EIF5B: variants seen among roughly 807,000 people sequenced by gnomAD.
EIF5B encodes eukaryotic translation initiation factor 5B.
In EIF5B, 47 loss-of-function variants were observed where a neutral mutation model predicts 147.5. The ratio of observed to expected loss-of-function variants is 0.32; its 90% CI spans 0.25 to 0.41. The LOEUF is 0.41. Among genes scored for constraint, EIF5B ranks in the 10% least tolerant of loss-of-function variants. EIF5B has a pLI of 1.00. For missense variants in EIF5B, 1,064 were observed against 1,413.2 expected (o/e 0.75, Z 3.96); for synonymous variants, 455 against 456.2 (o/e 1.00, Z 0.03).
chr2:99,386,825 G>A (rs1216314680), intron 14 of EIF5B, among the ~76,000 whole-genome samples: 2 of 152,126 alleles, frequency 1.3e-5, no homozygotes, highest in Non-Finnish European at 2.9e-5. Context: ...GATTACAGGC[G>A]TGAGCCACCA....
In EIF5B at chr2:99,389,795, A is replaced by G. The variant is rs1382230680; in HGVS notation, c.2349A>G (p.Thr783=). 1.2e-5 allele frequency: 19 copies of G among 1,613,714 alleles called. No homozygotes were observed. The highest frequency in any genetic ancestry group is 4.0e-5 in the African/African-American group (3 of 75,044). The stretch of plus-strand genomic sequence containing the variant: ...CTTTAAAGAAGCAGAAAAAGAATAC[A>G]AAAGATGAATTTGAGGAGCGAGCAA... The part of the protein sequence containing the change: ...AATLKKQKKN[T]KDEFEERAKA... Residue 783 remains threonine (T), a synonymous_variant, in exon 15 of 24, where the codon ACA becomes ACG. Transcript: ENST00000289371.
intron 6 of EIF5B, 43 bp downstream of exon 6, chr2:99,364,464 C>G: frequency 6.6e-7 from 1 of 1,515,500 alleles, no homozygotes; most frequent in Non-Finnish European, 8.9e-7. Flanking sequence ...GAGAGCTCTG[C>G]ACATGCAGTT....
intron 14 of EIF5B, among the ~76,000 whole-genome samples, chr2:99,383,199 AATTTGCAAT>A (rs1674729009): frequency 1.3e-5 from 2 of 152,050 alleles, no homozygotes; most frequent in Non-Finnish European, 2.9e-5. Flanking sequence ...ACATTTTGTT[AATTTGCAAT>A]ATTTCAAACT....
chr2:99,341,035 A>G (rs1448897712), intron 1 of EIF5B, among the ~76,000 whole-genome samples: 1 of 152,198 alleles, frequency 6.6e-6, no homozygotes, highest in African/African-American at 2.4e-5. Context: ...AAGGCCTGGA[A>G]TTACAGGTGT....
intron 9 of EIF5B, 43 bp downstream of exon 9, chr2:99,371,773 TA>T (rs1279974858): frequency 1.3e-6 from 2 of 1,510,540 alleles, no homozygotes; most frequent in East Asian, 4.6e-5. Context: ...CAGTGGTTAT[TA>T]GAAATGAATG....
intron 9 of EIF5B, among the ~76,000 whole-genome samples, chr2:99,375,529 A>G (rs1345196141): frequency 6.6e-6 from 1 of 152,170 alleles, no homozygotes; most frequent in Non-Finnish European, 1.5e-5. Context: ...AATTCTTAGT[A>G]TTTTGGTAGG....
rs1675122245 is a variant in EIF5B at position 99,398,672 on chromosome 2, T to C, written c.3394-76T>C. On this transcript the variant is annotated intron_variant, in intron 22 of 23. Coordinates refer to ENST00000289371, the MANE Select transcript of EIF5B (RefSeq NM_015904.4). ...AACAGGCTTTTGCTCTAGTTCTTACTTCAGCTATCCAGCCATGGCGCCTGT... is the reference window on the plus strand; with the variant it reads ...AACAGGCTTTTGCTCTAGTTCTTACCTCAGCTATCCAGCCATGGCGCCTGT... 5 of 1,448,608 alleles carry C rather than the reference T, an allele frequency of 3.5e-6. No individual in the cohort carries two copies. The South Asian group carries it at 6.8e-5, about 20-fold the overall frequency. The allele number at this position is 1,448,608 out of a possible 1,614,324, so 89.7% of individuals were successfully genotyped here. A position where few individuals can be genotyped will look rare whatever the true frequency, so the allele number is the denominator to read the frequency against.
At chr2:99,346,552 C>A (rs1324319003) in intron 1 of EIF5B, among the ~76,000 whole-genome samples, 1 of 147,942 alleles carries the variant, frequency 6.8e-6, no homozygotes, top group Non-Finnish European at 1.5e-5. Flanking sequence ...TGAGCACTTA[C>A]CATGTGATTA....
At chr2:99,396,369 A>G (rs576654327) in intron 21 of EIF5B, among the ~76,000 whole-genome samples, 3 of 152,326 alleles carry the variant, frequency 2.0e-5, no homozygotes, top group South Asian at 4.1e-4. Context: ...AGTAGCCTAC[A>G]TATGTGCCTA....
At chr2:99,350,383 A>G (rs1244969839) in intron 1 of EIF5B, among the ~76,000 whole-genome samples, 1 of 126,042 alleles carries the variant, frequency 7.9e-6, no homozygotes, top group African/African-American at 3.0e-5. Context: ...TAATGGCTGT[A>G]CTAATTTACA....
At chr2:99,353,859 G>A (rs1383709550) in intron 1 of EIF5B, among the ~76,000 whole-genome samples, 1 of 152,074 alleles carries the variant, frequency 6.6e-6, no homozygotes, top group African/African-American at 2.4e-5. Context: ...TGTATCAATG[G>A]TTCATTCCAT....
Position 99,392,957 on chromosome 2 carries a change from A to T in EIF5B, c.2749-10A>T, listed in dbSNP as rs775974196. The T allele has an allele frequency of 6.9e-6, 10 of 1,448,176 alleles. No individual in the cohort carries two copies. Among genetic ancestry groups the T allele is most frequent in the Non-Finnish European group, 9.1e-6 (10 of 1,093,774 alleles). The allele number at this position is 1,448,176 out of a possible 1,614,324, so 89.7% of individuals were successfully genotyped here. Reference sequence around the variant, plus strand: ...AGTACATTTGGTAACAAATGTTTTTATCTCTGTAGAACCAGTATGAAAAGC... The same window carrying T: ...AGTACATTTGGTAACAAATGTTTTTTTCTCTGTAGAACCAGTATGAAAAGC... On this transcript the variant is annotated splice_polypyrimidine_tract_variant and intron_variant, in intron 17 of 23. Coordinates refer to ENST00000289371, the MANE Select transcript of EIF5B (RefSeq NM_015904.4).
rs1212715326 is a variant in EIF5B at position 99,389,747 on chromosome 2, T to G, written c.2301T>G (p.Ser767Arg). ...KIDRLYDWKKSPDSDVAATLK... is the reference protein window; with the variant it reads ...KIDRLYDWKKRPDSDVAATLK... ...ATAGGTTATATGATTGGAAAAAGAGTCCTGACTCTGATGTGGCTGCTACTT... is the reference window on the plus strand; with the variant it reads ...ATAGGTTATATGATTGGAAAAAGAGGCCTGACTCTGATGTGGCTGCTACTT... The change falls in exon 15 of 24, where the codon AGT (serine) becomes AGG (arginine). Residue 767 changes from serine (S) to arginine (R), a missense_variant. Ser to Arg is a moderately radical substitution (Grantham distance 110). This residue lies in a region of EIF5B where 380 missense variants were observed against 715.6 expected (regional missense o/e 0.53). Coordinates refer to ENST00000289371, the MANE Select transcript of EIF5B (RefSeq NM_015904.4). 3 of 1,608,336 alleles carry G rather than the reference T, an allele frequency of 1.9e-6. No homozygotes were observed. Among genetic ancestry groups the G allele is most frequent in the Non-Finnish European group, 2.5e-6 (3 of 1,178,710 alleles).
chr2:99,384,196 C>CAAAAA (rs770493783), intron 14 of EIF5B, among the ~76,000 whole-genome samples: 25 of 117,434 alleles, frequency 2.1e-4, no homozygotes, highest in Admixed American at 3.5e-4. Context: ...GACTCCGTCT[C>CAAAAA]AAAAAAAAAA....
Position 99,364,344 on chromosome 2 carries a change from A to G in EIF5B, c.1211A>G (p.Glu404Gly), listed in dbSNP as rs1674282560. 1.9e-6 allele frequency: 3 copies of G among 1,610,664 alleles called. No homozygotes were observed. Among genetic ancestry groups the G allele is most frequent in the African/African-American group, 1.3e-5 (1 of 74,518 alleles). Residue 404 changes from glutamate (E) to glycine (G), a missense_variant, in exon 6 of 24, where the codon GAA (glutamate) becomes GGA (glycine). By Grantham distance (98) the Glu-to-Gly change is moderately conservative (BLOSUM62 -2). Around this residue, in one of 4 missense-constraint regions of EIF5B, gnomAD observed 458 missense variants for 451.3 expected, o/e 1.01. Transcript: ENST00000289371. ...EKERKERLKK[E>G]GKLLTKSQRE... ...GAAAGAAAAGAACGCTTGAAAAAAG[A>G]AGGGAAACTTTTAACTAAATCCCAG...
rs768185576 is a variant in EIF5B at position 99,398,961 on chromosome 2, C to T, written c.3555+52C>T. On this transcript the variant is annotated intron_variant, in intron 23 of 23. Transcript: ENST00000289371. ...CTTTAAGCAACAGGGAATCACTCTT[C>T]TTGGGTCACCTGTACCTGTAGCTCC... The T allele has an allele frequency of 9.5e-6, 15 of 1,575,900 alleles. No homozygotes were observed. In the African/African-American group the frequency reaches 2.0e-4, roughly 21 times the overall value.
intron 14 of EIF5B, among the ~76,000 whole-genome samples, chr2:99,384,006 G>A (rs761863418): frequency 3.9e-5 from 6 of 151,948 alleles, no homozygotes; most frequent in South Asian, 2.1e-4. Flanking sequence ...TCAGGAGATC[G>A]AGACCAAGGT....
Position 99,337,716 on chromosome 2 carries a change from C to T in EIF5B, c.35+127C>T. 1.4e-5 allele frequency: 17 copies of T among 1,246,156 alleles called. 1 individual carries two copies. The South Asian group carries it at 2.6e-4, about 19-fold the overall frequency. The allele number at this position is 1,246,156 out of a possible 1,614,324, so 77.2% of individuals were successfully genotyped here. On this transcript the variant is annotated intron_variant, in intron 1 of 23. Coordinates refer to ENST00000289371, the MANE Select transcript of EIF5B (RefSeq NM_015904.4). ...AGCTTCGCGGGGTACCAGGCCTGGGCCCAGAGTGTGCGGAGCGGGCCCAAG... is the reference window on the plus strand; with the variant it reads ...AGCTTCGCGGGGTACCAGGCCTGGGTCCAGAGTGTGCGGAGCGGGCCCAAG...
At chr2:99,340,713 A>T (rs1406840943) in intron 1 of EIF5B, 1 of 152,098 alleles carries the variant, frequency 6.6e-6, no homozygotes, top group Non-Finnish European at 1.5e-5. Context: ...GTATTTTTAG[A>T]ATTCTAGAAT....
Sources: allele counts gnomAD v4.1 joint callset (sites outside exome capture counted in the v4.1 genomes callset), GRCh38; gene constraint gnomAD v4.1.1; regional missense constraint gnomAD v4.1.1; transcripts MANE v1.5; gene names NCBI Gene and HGNC (gene_info 2026-07-23, HGNC 2026-07-21).